The following MAGI2 variants were observed in gnomAD, a reference collection of about 807,000 sequenced individuals.
The protein encoded by MAGI2 is membrane-associated guanylate kinase, WW and PDZ domain-containing protein 2.
MAGI2 carries 35 observed loss-of-function variants against 133.3 expected under a neutral mutation model. The observed-to-expected ratio is 0.26, with a 90% CI of 0.20 to 0.35. The LOEUF is 0.35. Among genes scored for constraint, MAGI2 ranks in the 10% least tolerant of loss-of-function variants. MAGI2 has a pLI of 1.00. For missense variants in MAGI2, 1,636 were observed against 1,863.4 expected (o/e 0.88, Z 2.25); for synonymous variants, 729 against 710.6 (o/e 1.03, Z -0.41).
intron 6 of MAGI2, among the ~76,000 whole-genome samples, chr7:78,417,249 A>G (rs1335074505): frequency 6.6e-6 from 1 of 151,782 alleles, no homozygotes; most frequent in Non-Finnish European, 1.5e-5. Flanking sequence ...TTAAATAAAG[A>G]CTCCTGAAGT....
At chr7:78,282,447 G>A (rs1162053780) in intron 9 of MAGI2, among the ~76,000 whole-genome samples, 1 of 152,128 alleles carries the variant, frequency 6.6e-6, no homozygotes, top group East Asian at 1.9e-4. Flanking sequence ...CATATTGCCT[G>A]TGAATGGTTT....
At chr7:79,410,077 A>C (rs2129170521) in intron 1 of MAGI2, 1 of 152,238 alleles carries the variant, frequency 6.6e-6, no homozygotes, top group Non-Finnish European at 1.5e-5. Flanking sequence ...AATAATATTA[A>C]AGTGTTAATT....
intron 1 of MAGI2, among the ~76,000 whole-genome samples, chr7:79,071,519 G>A (rs930179483): frequency 6.6e-6 from 1 of 152,198 alleles, no homozygotes; most frequent in Non-Finnish European, 1.5e-5. Context: ...GTCAGGCAGG[G>A]ATGTGTAAGT....
chr7:78,481,196 C>G (rs1584331613), intron 6 of MAGI2, among the ~76,000 whole-genome samples: 2 of 151,890 alleles, frequency 1.3e-5, no homozygotes, highest in Admixed American at 6.6e-5. Flanking sequence ...CTGGGTAATT[C>G]ATAAAGAAAA....
At chr7:78,515,607 A>G (rs1181086097) in intron 4 of MAGI2, among the ~76,000 whole-genome samples, 1 of 152,146 alleles carries the variant, frequency 6.6e-6, no homozygotes, top group African/African-American at 2.4e-5. Flanking sequence ...AAAATAAAAA[A>G]AGTCCTTGTT....
intron 2 of MAGI2, among the ~76,000 whole-genome samples, chr7:78,675,731 G>A (rs1000424949): frequency 2.0e-5 from 3 of 152,076 alleles, no homozygotes; most frequent in East Asian, 1.9e-4. Context: ...TGCAGGACAC[G>A]CCATGAATCA....
chr7:78,075,623 A>G (rs1815207297), intron 21 of MAGI2, among the ~76,000 whole-genome samples: 1 of 151,950 alleles, frequency 6.6e-6, no homozygotes, highest in African/African-American at 2.4e-5. Context: ...TGATCTGCCC[A>G]CCTCGGCCTC....
At chr7:79,430,775 C>G (rs1271986015) in intron 1 of MAGI2, among the ~76,000 whole-genome samples, 2 of 152,180 alleles carry the variant, frequency 1.3e-5, no homozygotes, top group African/African-American at 2.4e-5. Context: ...CATAGCTTCT[C>G]TAACAGATGA....
At chr7:78,120,742 C>G (rs1820362878) in intron 20 of MAGI2, among the ~76,000 whole-genome samples, 2 of 151,814 alleles carry the variant, frequency 1.3e-5, no homozygotes, top group Non-Finnish European at 2.9e-5. Flanking sequence ...TGGCTCACGC[C>G]TGGAATCCCA....
At chr7:78,194,777 A>G in intron 12 of MAGI2, 97 bp downstream of exon 12, 1 of 1,042,562 alleles carries the variant, frequency 9.6e-7, no homozygotes, top group Non-Finnish European at 1.3e-6. Context: ...TGAAACTCAG[A>G]ATATAAAACC....
intron 12 of MAGI2, among the ~76,000 whole-genome samples, chr7:78,186,556 T>G (rs921809778): frequency 6.6e-6 from 1 of 152,182 alleles, no homozygotes; most frequent in Admixed American, 6.5e-5. Context: ...AATTGTCCCT[T>G]GATTTTCATT....
At chr7:79,206,294 G>T (rs1337211942) in intron 1 of MAGI2, among the ~76,000 whole-genome samples, 2 of 151,324 alleles carry the variant, frequency 1.3e-5, no homozygotes, top group South Asian at 2.1e-4. Flanking sequence ...AACTGAGTTG[G>T]TTTTTTGAAA....
At chr7:78,371,029 A>T (rs1228778238) in intron 6 of MAGI2, among the ~76,000 whole-genome samples, 2 of 151,914 alleles carry the variant, frequency 1.3e-5, no homozygotes, top group Non-Finnish European at 2.9e-5. Flanking sequence ...TTATGCCAGC[A>T]ACTCAGGACT....
At chr7:78,560,552 T>A (rs961542474) in intron 3 of MAGI2, among the ~76,000 whole-genome samples, 11 of 152,226 alleles carry the variant, frequency 7.2e-5, no homozygotes, top group African/African-American at 1.2e-4. Context: ...AAAATTTTTT[T>A]AAAATTATGT....
chr7:78,951,430 A>G (rs1304054286), intron 2 of MAGI2, among the ~76,000 whole-genome samples: 2 of 152,210 alleles, frequency 1.3e-5, no homozygotes, highest in African/African-American at 2.4e-5. Flanking sequence ...GTGGAAGGGG[A>G]AGCAAATACA....
chr7:78,493,860 T>C (rs1584386706), intron 5 of MAGI2, among the ~76,000 whole-genome samples: 1 of 152,328 alleles, frequency 6.6e-6, no homozygotes, highest in East Asian at 1.9e-4. Flanking sequence ...TAAAGTTCCA[T>C]GTGCATAGAG....
In MAGI2 at chr7:78,073,860, G is replaced by A. The variant is rs569196234; in HGVS notation, c.3706+5087C>T. 9.2e-5 allele frequency among the ~76,000 whole-genome samples: 14 copies of A among 152,306 alleles called. No individual in the cohort carries two copies. In the South Asian group the frequency reaches 2.9e-3, roughly 32 times the overall value. On this transcript the variant is annotated intron_variant, in intron 21 of 21. Coordinates refer to ENST00000354212, the MANE Select transcript of MAGI2 (RefSeq NM_012301.4). ...GAATAGCAATAACCAGGGTGAAGGA[G>A]GGCACTGCTTTTGATGCATCTTCTG...
chr7:78,118,477 T>G (rs931219216), intron 20 of MAGI2, among the ~76,000 whole-genome samples: 2 of 152,112 alleles, frequency 1.3e-5, no homozygotes, highest in African/African-American at 4.8e-5. Context: ...TTATCCAAAA[T>G]GTACAAAGAA....
intron 1 of MAGI2, among the ~76,000 whole-genome samples, chr7:79,404,032 G>A (rs1285027647): frequency 6.6e-6 from 1 of 152,000 alleles, no homozygotes; most frequent in East Asian, 1.9e-4. Flanking sequence ...CTGTCTATAG[G>A]GATGACAATG....
Sources: gnomAD v4.1 joint callset for allele counts (sites outside exome capture counted in the v4.1 genomes callset) on GRCh38, gnomAD v4.1.1 for gene constraint, MANE v1.5 for transcripts, NCBI Gene and HGNC (gene_info 2026-07-23, HGNC 2026-07-21) for gene names.